TRAP1: variants seen among roughly 807,000 people sequenced by gnomAD.
TRAP1 encodes heat shock protein 75 kDa, mitochondrial.
A neutral mutation model predicts 89.1 loss-of-function variants in TRAP1; 102 were observed. That is an observed-to-expected ratio of 1.15 (90% CI 0.98 to 1.35). The LOEUF (loss-of-function observed/expected upper bound fraction) is 1.35. TRAP1 is among the 40% of genes most tolerant of loss of function. The pLI is 0.00. For missense variants in TRAP1, 1,256 were observed against 945.3 expected (o/e 1.33, Z -4.31); for synonymous variants, 508 against 388.0 (o/e 1.31, Z -3.64).
chr16:3,703,824 G>A (rs2051401976), intron 1 of TRAP1, among the ~76,000 whole-genome samples: 1 of 150,748 alleles, frequency 6.6e-6, no homozygotes, highest in African/African-American at 2.5e-5. Context: ...GATCATCCTG[G>A]CTAACACGGT....
At position 3,694,490 on chromosome 16, in the gene TRAP1, C is replaced by T. The variant is rs1421103132; in HGVS notation, c.89-3505G>A. On this transcript the variant is annotated intron_variant, in intron 1 of 17. Transcript: ENST00000246957. ...TCCCTAGTAGCTGGGATTACAGGCACGCACCACCATGCCTGGCTTTTATTT... is the reference window on the plus strand; with the variant it reads ...TCCCTAGTAGCTGGGATTACAGGCATGCACCACCATGCCTGGCTTTTATTT... Among the ~76,000 whole-genome samples, 7 of 152,044 alleles carry T rather than the reference C, an allele frequency of 4.6e-5. No homozygotes were observed. In the South Asian group the frequency reaches 8.3e-4, roughly 18 times the overall value.
At chr16:3,660,489 A>G (rs1351209322) in intron 16 of TRAP1, 1 of 142,786 alleles carries the variant, frequency 7.0e-6, no homozygotes, top group African/African-American at 2.5e-5. Context: ...TGAAGTGGCA[A>G]CAGACAGAAA....
intron 8 of TRAP1, 54 bp downstream of exon 8, chr16:3,675,270 A>T: frequency 6.4e-7 from 1 of 1,571,350 alleles, no homozygotes. Flanking sequence ...CTGCCCTGAA[A>T]CGTACAGATT....
At chr16:3,688,018 C>T (rs2051161033) in intron 3 of TRAP1, among the ~76,000 whole-genome samples, 1 of 152,132 alleles carries the variant, frequency 6.6e-6, no homozygotes, top group Non-Finnish European at 1.5e-5. Context: ...AACCCGGAAA[C>T]AGCTCCTAGA....
At chr16:3,714,821 G>C (rs2051576454) in intron 1 of TRAP1, among the ~76,000 whole-genome samples, 1 of 152,142 alleles carries the variant, frequency 6.6e-6, no homozygotes, top group South Asian at 2.1e-4. Flanking sequence ...CCTGAAGCCA[G>C]GCACATGCTA....
Position 3,717,356 on chromosome 16 carries a change from AG to A in TRAP1, c.88+64del, listed in dbSNP as rs938752922. ...GCCGGCGCCTCGCTCCCCGGAGCACAGGGACGTCCCTGCCGTCTCCGTGGCC... is the reference window on the plus strand; with the variant it reads ...GCCGGCGCCTCGCTCCCCGGAGCACAGGACGTCCCTGCCGTCTCCGTGGCC... On this transcript the variant is annotated intron_variant, in intron 1 of 17. Transcript: ENST00000246957. The A allele has an allele frequency of 1.1e-5, 7 of 636,702 alleles. No homozygotes were observed. The African/African-American group carries it at 1.3e-4, about 12-fold the overall frequency. 39.4% of individuals were successfully genotyped at this position (636,702 alleles called of 1,614,324 possible).
chr16:3,684,011 C>T (rs1005211446), intron 4 of TRAP1, among the ~76,000 whole-genome samples: 1 of 151,824 alleles, frequency 6.6e-6, no homozygotes, highest in African/African-American at 2.4e-5. Context: ...ACTAAAAATA[C>T]AAAAATTAGC....
chr16:3,665,892 G>C (rs1478116771), intron 12 of TRAP1, 79 bp downstream of exon 12: 1 of 1,539,774 alleles, frequency 6.5e-7, no homozygotes. Context: ...CGCCACATCA[G>C]GGGACACCTC....
At chr16:3,674,650 C>T (rs1454938108) in intron 8 of TRAP1, 156 bp from the exon 9 acceptor site, 6 of 875,640 alleles carry the variant, frequency 6.9e-6, no homozygotes, top group African/African-American at 6.7e-5. Flanking sequence ...AGCCCCACCG[C>T]TGGGCTATGC....
chr16:3,709,682 G>A (rs529962939), intron 1 of TRAP1, among the ~76,000 whole-genome samples: 2 of 151,898 alleles, frequency 1.3e-5, no homozygotes, highest in African/African-American at 2.4e-5. Flanking sequence ...CGGAGTTTTC[G>A]CTCTTGTTGC....
chr16:3,661,941 T>G (rs778826816), intron 16 of TRAP1, 46 bp downstream of exon 16: 2 of 1,550,134 alleles, frequency 1.3e-6, no homozygotes, highest in East Asian at 2.3e-5. Context: ...ACACACAGGA[T>G]TCTGGGGAAT....
chr16:3,664,171 C>T lies in TRAP1; in HGVS notation c.1569+103G>A, dbSNP rs1407033908. 1.9e-5 allele frequency: 24 copies of T among 1,293,518 alleles called. No homozygotes were observed. The Admixed American group carries it at 2.1e-4, about 11-fold the overall frequency. 80.1% of individuals were successfully genotyped at this position (1,293,518 alleles called of 1,614,324 possible). A position where few individuals can be genotyped will look rare whatever the true frequency, so the allele number is the denominator to read the frequency against. On this transcript the variant is annotated intron_variant, in intron 13 of 17. Coordinates refer to ENST00000246957, the MANE Select transcript of TRAP1 (RefSeq NM_016292.3). Reference sequence around the variant, plus strand: ...CGTGACCCTGACCCACTGTGCAGCCCTGCCCGGAGTCTTGGGCAGGTTCAC... The same window carrying T: ...CGTGACCCTGACCCACTGTGCAGCCTTGCCCGGAGTCTTGGGCAGGTTCAC...
At chr16:3,690,759 A>T in intron 2 of TRAP1, 68 bp downstream of exon 2, 1 of 1,324,940 alleles carries the variant, frequency 7.5e-7, no homozygotes, top group Non-Finnish European at 9.7e-7. Flanking sequence ...CTCCACCCTG[A>T]AAATGCCCCT....
rs1380605234 is a variant in TRAP1, at chr16:3,717,488, C to T, written c.21G>A (p.Ala7=). 1 of 1,342,458 alleles carries T rather than the reference C, an allele frequency of 7.4e-7. No individual in the cohort carries two copies. Among genetic ancestry groups the T allele is most frequent in the Non-Finnish European group, 9.5e-7 (1 of 1,049,992 alleles). 83.2% of individuals were successfully genotyped at this position (1,342,458 alleles called of 1,614,324 possible). The change falls in exon 1 of 18, where the codon GCG becomes GCA. Residue 7 remains alanine (A), a synonymous_variant. Transcript: ENST00000246957. MARELR[A]LLLWGRRLRP... is the part of the protein sequence containing the mutation. ...GCAGGCGGCGGCCCCACAGCAGCAG[C>T]GCCCGCAGCTCGCGCGCCATGTCGT...
intron 1 of TRAP1, among the ~76,000 whole-genome samples, chr16:3,699,911 G>A (rs1344176828): frequency 6.6e-6 from 1 of 151,368 alleles, no homozygotes; most frequent in East Asian, 1.9e-4. Flanking sequence ...CTGGTCTCAA[G>A]CAATCTTCCT....
At chr16:3,705,416 A>G (rs1567245092) in intron 1 of TRAP1, among the ~76,000 whole-genome samples, 1 of 151,908 alleles carries the variant, frequency 6.6e-6, no homozygotes, top group East Asian at 1.9e-4. Context: ...ACAGCCACTC[A>G]TGTTCACTCT....
chr16:3,692,966 G>GCT (rs1555466173), intron 1 of TRAP1, among the ~76,000 whole-genome samples: 3 of 143,744 alleles, frequency 2.1e-5, no homozygotes, highest in Non-Finnish European at 4.6e-5. Context: ...TTTTGTTTTT[G>GCT]TTTTTTTTTG....
intron 11 of TRAP1, among the ~76,000 whole-genome samples, chr16:3,670,778 G>A (rs1184843569): frequency 6.6e-6 from 1 of 152,188 alleles, no homozygotes; most frequent in Non-Finnish European, 1.5e-5. Flanking sequence ...GCCTCTGAAG[G>A]TGAGGCAGGA....
chr16:3,670,716 CAT>C (rs564195651), intron 11 of TRAP1, among the ~76,000 whole-genome samples: 17 of 152,270 alleles, frequency 1.1e-4, no homozygotes, highest in African/African-American at 4.1e-4. Flanking sequence ...ACCAATAAAA[CAT>C]CACTGCGGCT....
Sources: gnomAD v4.1 joint callset for allele counts (sites outside exome capture counted in the v4.1 genomes callset) on GRCh38, gnomAD v4.1.1 for gene constraint, MANE v1.5 for transcripts, NCBI Gene and HGNC (gene_info 2026-07-23, HGNC 2026-07-21) for gene names.